COL2A1: variants seen among roughly 807,000 people sequenced by gnomAD.
COL2A1 encodes the protein collagen type II alpha 1 chain.
COL2A1 carries 28 observed loss-of-function variants against 204.5 expected under a neutral mutation model. The observed-to-expected ratio is 0.14, with a 90% CI of 0.10 to 0.19. COL2A1 has a LOEUF of 0.19. Ranked by LOEUF, COL2A1 falls within the 10% of genes least tolerant of loss-of-function variation. COL2A1 has a pLI of 1.00. For synonymous variants in COL2A1, 708 were observed against 718.7 expected (o/e 0.99, Z 0.24); for missense variants, 1,388 against 2,027.5 (o/e 0.68, Z 6.06).
rs1358687460 is a variant in COL2A1 at position 47,997,495 on chromosome 12, A to G, written c.531+111T>C. The G allele has an allele frequency of 1.9e-6, 3 of 1,584,196 alleles. No individual in the cohort carries two copies. In the African/African-American group the frequency reaches 4.0e-5, roughly 21 times the overall value. ...TGAGGGCAAAGCCCATGGACAGGCT[A>G]TGTACACACTGCTGGCAGCCCTGGG... On this transcript the variant is annotated intron_variant, in intron 7 of 53. Coordinates refer to ENST00000380518, the MANE Select transcript of COL2A1 (RefSeq NM_001844.5).
chr12:47,994,699 C>T (rs41317897), intron 11 of COL2A1, among the ~76,000 whole-genome samples: 2,486 of 152,342 alleles, frequency 0.016, 65 homozygotes, highest in East Asian at 0.12. Flanking sequence ...TCTGTCCTCA[C>T]CAGCCTCCAA....
intron 2 of COL2A1, 124 bp downstream of exon 2, chr12:47,999,795 G>A: frequency 1.2e-6 from 1 of 816,758 alleles, no homozygotes; most frequent in East Asian, 2.6e-5. Context: ...TTCTACCCCA[G>A]CTACCAGGTC....
chr12:47,983,458 G>A lies in COL2A1; in HGVS notation c.1996-20C>T. ...AAGTCCCTAGAAGCCGAAGTGACAA[G>A]CGTTAGCAAAGGAGTGAGTTTGCTG... On this transcript the variant is annotated intron_variant, in intron 30 of 53. Coordinates refer to ENST00000380518, the MANE Select transcript of COL2A1 (RefSeq NM_001844.5). 1.2e-6 allele frequency: 2 copies of A among 1,613,738 alleles called. No homozygotes were observed. Among genetic ancestry groups the A allele is most frequent in the Non-Finnish European group, 1.7e-6 (2 of 1,179,696 alleles).
intron 16 of COL2A1, among the ~76,000 whole-genome samples, chr12:47,991,289 C>G (rs1230555711): frequency 6.6e-6 from 1 of 152,220 alleles, no homozygotes; most frequent in African/African-American, 2.4e-5. Context: ...CATCTGCCAC[C>G]TCTCCCTGCA....
Position 47,992,841 on chromosome 12 carries a change from C to T in COL2A1, c.1023+37G>A, listed in dbSNP as rs200674261. 133 of 1,610,480 alleles carry T rather than the reference C, an allele frequency of 8.3e-5. No individual in the cohort carries two copies. The African/African-American group carries it at 9.7e-4, about 12-fold the overall frequency. ...ACAAACCTGTAAACTCTAAAGTGCTCGGCAAATGGTGGTGTTTGGCTTTGT... is the reference window on the plus strand; with the variant it reads ...ACAAACCTGTAAACTCTAAAGTGCTTGGCAAATGGTGGTGTTTGGCTTTGT... On this transcript the variant is annotated intron_variant, in intron 16 of 53. Coordinates refer to ENST00000380518, the MANE Select transcript of COL2A1 (RefSeq NM_001844.5).
chr12:47,981,899 GCCAAC>G, intron 35 of COL2A1, 70 bp from the exon 36 acceptor site: 1 of 1,498,824 alleles, frequency 6.7e-7, no homozygotes, highest in Non-Finnish European at 9.1e-7. Context: ...CCGGCACCAA[GCCAAC>G]CTTGGTGCGT....
intron 16 of COL2A1, among the ~76,000 whole-genome samples, chr12:47,990,998 C>T (rs1565688002): frequency 1.3e-5 from 2 of 152,264 alleles, no homozygotes; most frequent in Non-Finnish European, 2.9e-5. Flanking sequence ...TTAAATACAA[C>T]TCAACTCTTC....
intron 10 of COL2A1, 48 bp from the exon 11 acceptor site, chr12:47,995,356 A>G: frequency 6.6e-7 from 1 of 1,511,124 alleles, no homozygotes; most frequent in Non-Finnish European, 9.2e-7. Flanking sequence ...GTGGGAAGAC[A>G]CCTAAGCAAT....
chr12:47,998,570 A>G, intron 2 of COL2A1, 139 bp from the exon 3 acceptor site: 1 of 871,030 alleles, frequency 1.1e-6, no homozygotes, highest in Non-Finnish European at 1.8e-6. Context: ...CTGTGACTCC[A>G]CTGAACCCCT....
At chr12:47,993,665 C>T (rs1939811347) in intron 14 of COL2A1, 144 bp downstream of exon 14, 1 of 1,123,622 alleles carries the variant, frequency 8.9e-7, no homozygotes, top group East Asian at 2.4e-5. Flanking sequence ...GCTGTTGGCC[C>T]ATCAGGATGT....
At chr12:47,982,823 C>A in intron 33 of COL2A1, 25 bp downstream of exon 33, 1 of 1,593,980 alleles carries the variant, frequency 6.3e-7, no homozygotes, top group Non-Finnish European at 8.6e-7. Context: ...CCACGAAGAC[C>A]CCTACAGGAT....
intron 15 of COL2A1, 107 bp from the exon 16 acceptor site, chr12:47,993,038 C>A: frequency 9.3e-7 from 1 of 1,070,894 alleles, no homozygotes; most frequent in Non-Finnish European, 1.4e-6. Flanking sequence ...AGGGAGGATG[C>A]CCACACCCAG....
At chr12:47,989,140 G>T in intron 18 of COL2A1, 88 bp downstream of exon 18, 1 of 1,111,920 alleles carries the variant, frequency 9.0e-7, no homozygotes. Flanking sequence ...GGAGCAGGTG[G>T]TTGTTGAGGG....
rs35656892 is a variant in COL2A1, at chr12:47,982,911, G to C, written c.2130C>G (p.Pro710=). The C allele has an allele frequency of 2.5e-6, 4 of 1,613,356 alleles. No individual in the cohort carries two copies. The East Asian group carries it at 8.9e-5, about 36-fold the overall frequency. The part of the protein sequence containing the change: ...ERGFPGERGS[P]GAQGLQGPRG... ...GGGGACCCTGGAGGCCCTGGGCACC[G>C]GGAGAGCCACGTTCACCTGGGAAAC... is the stretch of plus-strand genomic sequence containing the variant. Residue 710 remains proline (P), a synonymous_variant, in exon 33 of 54, where the codon CCC becomes CCG. Transcript: ENST00000380518.
intron 6 of COL2A1, 62 bp downstream of exon 6, chr12:47,997,809 T>C: frequency 6.2e-7 from 1 of 1,612,220 alleles, no homozygotes; most frequent in South Asian, 1.1e-5. Flanking sequence ...CTTAAACACA[T>C]GGTGGGGCCT....
intron 1 of COL2A1, 125 bp from the exon 2 acceptor site, chr12:48,000,250 G>A: frequency 1.4e-6 from 1 of 717,872 alleles, no homozygotes; most frequent in Non-Finnish European, 2.5e-6. Context: ...TGTAGGCTGG[G>A]GCCACCTGGA....
At position 47,978,542 on chromosome 12, in the gene COL2A1, G is replaced by A; in HGVS notation, c.2895+55C>T. 2 of 1,609,150 alleles carry A rather than the reference G, an allele frequency of 1.2e-6. No homozygotes were observed. Among genetic ancestry groups the A allele is most frequent in the Non-Finnish European group, 1.7e-6 (2 of 1,176,968 alleles). On this transcript the variant is annotated intron_variant, in intron 42 of 53. Coordinates refer to ENST00000380518, the MANE Select transcript of COL2A1 (RefSeq NM_001844.5). This position sits in a 1 kb window ranked among gnomAD's most constrained non-coding sequence, Gnocchi z 5.5. ...TACCCCATGCTCTGTGAGCTCAGAAGCCACTCACGACCCTGCTCCCAGGGA... is the reference window on the plus strand; with the variant it reads ...TACCCCATGCTCTGTGAGCTCAGAAACCACTCACGACCCTGCTCCCAGGGA...
At position 47,980,882 on chromosome 12, in the gene COL2A1, G is replaced by A; in HGVS notation, c.2517+33C>T. ...GCTGGATGTGGAACTGGCCTGAGTG[G>A]AGGGACCCAGGAGGATGGACAGAGA... On this transcript the variant is annotated intron_variant, in intron 38 of 53. Transcript: ENST00000380518. The surrounding 1 kb of genome is among the most constrained non-coding windows in gnomAD (Gnocchi z 4.5). 1 of 1,550,804 alleles carries A rather than the reference G, an allele frequency of 6.4e-7. No homozygotes were observed. Among genetic ancestry groups the A allele is most frequent in the Non-Finnish European group, 8.7e-7 (1 of 1,146,122 alleles).
chr12:47,986,049 C>A, intron 23 of COL2A1, 84 bp from the exon 24 acceptor site: 1 of 1,321,966 alleles, frequency 7.6e-7, no homozygotes, highest in Admixed American at 2.0e-5. Context: ...CACTAACCCA[C>A]CAACCCCAAT....
Sources: gnomAD v4.1 joint callset for allele counts (sites outside exome capture counted in the v4.1 genomes callset) on GRCh38, gnomAD v4.1.1 for gene constraint, Gnocchi (gnomAD v3.1) non-coding constraint, MANE v1.5 for transcripts, NCBI Gene and HGNC (gene_info 2026-07-23, HGNC 2026-07-21) for gene names.